MSR1: variants seen among roughly 807,000 people sequenced by gnomAD.
The protein encoded by MSR1 is macrophage scavenger receptor 1.
A neutral mutation model predicts 47.2 loss-of-function variants in MSR1; 53 were observed. The observed-to-expected ratio is 1.12, with a 90% CI of 0.90 to 1.41. The LOEUF (loss-of-function observed/expected upper bound fraction) is 1.41, where lower values mean the gene tolerates loss of function less well. Ranked by LOEUF, MSR1 falls within the 40% of genes most tolerant of loss-of-function variation. MSR1 has a pLI of 0.00. For missense variants in MSR1, 786 were observed against 546.9 expected (o/e 1.44, Z -4.36); for synonymous variants, 239 against 185.6 (o/e 1.29, Z -2.34).
chr8:16,150,851 A>ACACACAC (rs1800835939), intron 6 of MSR1, among the ~76,000 whole-genome samples: 1 of 142,044 alleles, frequency 7.0e-6, no homozygotes, highest in African/African-American at 2.7e-5. Flanking sequence ...CATAAACATA[A>ACACACAC]ACACACACAC....
chr8:16,182,039 T>C (rs1018556030), intron 1 of MSR1, among the ~76,000 whole-genome samples: 6 of 152,128 alleles, frequency 3.9e-5, no homozygotes, highest in Non-Finnish European at 8.8e-5. Context: ...ACCTAGATGG[T>C]CTAGCCTACT....
At chr8:16,111,425 G>C (rs1799753622) in intron 9 of MSR1, among the ~76,000 whole-genome samples, 1 of 152,138 alleles carries the variant, frequency 6.6e-6, no homozygotes, top group Non-Finnish European at 1.5e-5. Context: ...CCGGGCTACT[G>C]TGATGCTTTC....
chr8:16,119,244 T>G (rs886250919), intron 9 of MSR1, among the ~76,000 whole-genome samples: 1 of 152,176 alleles, frequency 6.6e-6, no homozygotes, highest in Non-Finnish European at 1.5e-5. Context: ...ATTATTATCA[T>G]TATTTTTTTA....
chr8:16,161,519 C>A (rs1380284244), intron 5 of MSR1, among the ~76,000 whole-genome samples: 1 of 151,894 alleles, frequency 6.6e-6, no homozygotes, highest in East Asian at 1.9e-4. Flanking sequence ...TCTGTATAAG[C>A]AAGCTATAAA....
At chr8:16,189,150 A>C (rs1315886190) in intron 1 of MSR1, among the ~76,000 whole-genome samples, 1 of 140,356 alleles carries the variant, frequency 7.1e-6, no homozygotes, top group African/African-American at 2.7e-5. Flanking sequence ...TATATTTCAT[A>C]TATACGTAAA....
intron 2 of MSR1, 97 bp from the exon 3 acceptor site, chr8:16,175,397 C>G: frequency 1.0e-6 from 1 of 998,960 alleles, no homozygotes; most frequent in Non-Finnish European, 1.5e-6. Flanking sequence ...TACTACCAAG[C>G]CTATTGGAAT....
chr8:16,157,549 T>C (rs1016704969), intron 5 of MSR1, among the ~76,000 whole-genome samples: 3 of 152,000 alleles, frequency 2.0e-5, no homozygotes, highest in African/African-American at 4.8e-5. Context: ...TCTCACATTA[T>C]GTTTCATTTT....
intron 8 of MSR1, among the ~76,000 whole-genome samples, chr8:16,131,961 G>C (rs908419437): frequency 1.7e-4 from 26 of 150,430 alleles, no homozygotes; most frequent in African/African-American, 6.3e-4. Flanking sequence ...TTGGCTCTTT[G>C]GGCTCTTCTT....
intron 1 of MSR1, among the ~76,000 whole-genome samples, chr8:16,186,844 G>A (rs73665255): frequency 0.12 from 18,458 of 151,806 alleles, 1,373 homozygotes; most frequent in Admixed American, 0.21. Flanking sequence ...AAACTCTTTA[G>A]CCTCAAGCAA....
intron 6 of MSR1, among the ~76,000 whole-genome samples, chr8:16,151,144 C>T (rs902095035): frequency 6.6e-6 from 1 of 152,036 alleles, no homozygotes; most frequent in Non-Finnish European, 1.5e-5. Context: ...AGAACTCGTT[C>T]ACCCAGTCTC....
intron 1 of MSR1, among the ~76,000 whole-genome samples, chr8:16,181,004 T>C (rs1345698773): frequency 6.6e-6 from 1 of 152,076 alleles, no homozygotes; most frequent in Non-Finnish European, 1.5e-5. Context: ...GAAAATGAAC[T>C]ATTGTAAGAA....
Position 16,168,655 on chromosome 8 carries a change from T to C in MSR1, c.433A>G (p.Ser145Gly). 1 of 1,614,158 alleles carries C rather than the reference T, an allele frequency of 6.2e-7. No homozygotes were observed. Among genetic ancestry groups the C allele is most frequent in the South Asian group, 1.1e-5 (1 of 91,086 alleles). ...LMDTEHFQNFSMTTDQRFNDI... is the reference protein window; with the variant it reads ...LMDTEHFQNFGMTTDQRFNDI... ...TTAAATCTTTGATCAGTTGTCATGCTGAAATTTTGGAAATGCTCTGTGTCC... is the reference window on the plus strand; with the variant it reads ...TTAAATCTTTGATCAGTTGTCATGCCGAAATTTTGGAAATGCTCTGTGTCC... The change falls in exon 4 of 10, where the codon AGC becomes GGC. Residue 145 changes from serine (S) to glycine (G), a missense_variant. Transcript: ENST00000262101.
rs2117042028 is a variant in MSR1 at position 16,110,204 on chromosome 8, A to G, written c.1237T>C (p.Trp413Arg). ...AHFGQGTGPI[W>R]LNEVFCFGRE... The stretch of plus-strand genomic sequence containing the variant: ...CCAAAACAAAACACTTCATTCAGCC[A>G]TATTGGACCAGTACCTGCAATAATG... Residue 413 changes from tryptophan to arginine, a missense_variant, in exon 10 of 10, where the codon TGG becomes CGG. Coordinates refer to ENST00000262101, the MANE Select transcript of MSR1 (RefSeq NM_138715.3). The G allele has an allele frequency of 6.2e-7, 1 of 1,613,528 alleles. No homozygotes were observed. Among genetic ancestry groups the G allele is most frequent in the East Asian group, 2.2e-5 (1 of 44,826 alleles).
At chr8:16,132,926 T>C (rs1333646326) in intron 8 of MSR1, among the ~76,000 whole-genome samples, 1 of 152,156 alleles carries the variant, frequency 6.6e-6, no homozygotes, top group Non-Finnish European at 1.5e-5. Context: ...TGGCTCTTAT[T>C]ATTTTGAGAT....
At position 16,155,091 on chromosome 8, in the gene MSR1, C is replaced by T. The variant is rs752937274; in HGVS notation, c.871G>A (p.Gly291Ser). The T allele has an allele frequency of 1.9e-6, 3 of 1,612,150 alleles. No individual in the cohort carries two copies. The highest frequency in any genetic ancestry group is 2.5e-6 in the Non-Finnish European group (3 of 1,178,742). The change falls in exon 6 of 10, where the codon GGT (glycine) becomes AGT (serine). Residue 291 changes from glycine (G) to serine (S), a missense_variant. Coordinates refer to ENST00000262101, the MANE Select transcript of MSR1 (RefSeq NM_138715.3). ...ATTGGACCTGGAAATCCTCGTGGAC[C>T]ACTTTCTCCAGTGGGACCTCGATCT... is the stretch of plus-strand genomic sequence containing the variant. ...KGDRGPTGES[G>S]PRGFPGPIGP...
In MSR1 at chr8:16,149,209, T is replaced by C. The variant is rs576088787; in HGVS notation, c.979+1022A>G. 2.6e-5 allele frequency among the ~76,000 whole-genome samples: 4 copies of C among 152,224 alleles called. 1 individual carries two copies. In the South Asian group the frequency reaches 8.3e-4, roughly 32 times the overall value. On this transcript the variant is annotated intron_variant, in intron 7 of 9. Coordinates refer to ENST00000262101, the MANE Select transcript of MSR1 (RefSeq NM_138715.3). ...GGGTAATAATATGTCAGTGTTGGTT[T>C]ATTAATGGTTACATATATACCACAC...
Position 16,139,717 on chromosome 8 carries a change from A to G in MSR1, c.1033+3841T>C, listed in dbSNP as rs149495555. 1,662 of 841,226 alleles carry G rather than the reference A, an allele frequency of 2.0e-3. 33 individuals carry two copies. The East Asian group carries it at 0.069, about 35-fold the overall frequency. The allele number at this position is 841,226 out of a possible 1,614,324, so 52.1% of individuals were successfully genotyped here. A position where few individuals can be genotyped will look rare whatever the true frequency, so the allele number is the denominator to read the frequency against. On this transcript the variant is annotated intron_variant, in intron 8 of 9. Transcript: ENST00000262101. ...TTTTTGGTTTAAATGGGTTGGATAA[A>G]TTGCCCAAGCTCGACTACACTTCAA... is the stretch of plus-strand genomic sequence containing the variant.
At chr8:16,185,097 T>C (rs1370445525) in intron 1 of MSR1, among the ~76,000 whole-genome samples, 2 of 151,926 alleles carry the variant, frequency 1.3e-5, no homozygotes, top group African/African-American at 4.8e-5. Context: ...TTCTGGGCAA[T>C]GTTCAAAAGG....
chr8:16,176,911 A>G (rs1379593944), intron 2 of MSR1, among the ~76,000 whole-genome samples: 1 of 152,192 alleles, frequency 6.6e-6, no homozygotes, highest in African/African-American at 2.4e-5. Context: ...GCTATGTAAG[A>G]ACTCATATAT....
Sources: allele counts gnomAD v4.1 joint callset (sites outside exome capture counted in the v4.1 genomes callset), GRCh38; gene constraint gnomAD v4.1.1; transcripts MANE v1.5; gene names NCBI Gene and HGNC (gene_info 2026-07-23, HGNC 2026-07-21).